Variants in TBC1D14 observed in about 807,000 individuals in gnomAD.
The protein encoded by TBC1D14 is TBC1 domain family member 14.
Under a neutral mutation model 79.0 loss-of-function variants are expected in TBC1D14, and 26 were observed. The observed-to-expected ratio is 0.33, with a 90% CI of 0.24 to 0.46. The LOEUF is 0.46. TBC1D14 is among the 20% of genes least tolerant of loss of function. TBC1D14 has a pLI of 1.00. For missense variants in TBC1D14, 769 were observed against 887.6 expected, an observed-to-expected ratio of 0.87 and a Z score of 1.70; for synonymous variants, 394 against 349.9, an observed-to-expected ratio of 1.13 and a Z score of -1.40.
chr4:6,923,507 C>T lies in TBC1D14; in HGVS notation c.118C>T (p.Leu40Phe). The change falls in exon 2 of 14, where the codon CTC (leucine) becomes TTC (phenylalanine). Residue 40 changes from leucine (L) to phenylalanine (F), a missense_variant. Coordinates refer to ENST00000409757, the MANE Select transcript of TBC1D14 (RefSeq NM_020773.3). Reference protein sequence around the residue: ...LQHVNLKAPRLLSAPEYGPKL... With the variant: ...LQHVNLKAPRFLSAPEYGPKL... ...ACACGTCAATCTCAAGGCGCCCCGACTCCTCTCCGCGCCTGAGTACGGGCC... is the reference window on the plus strand; with the variant it reads ...ACACGTCAATCTCAAGGCGCCCCGATTCCTCTCCGCGCCTGAGTACGGGCC... 2 of 1,614,206 alleles carry T rather than the reference C, an allele frequency of 1.2e-6. No homozygotes were observed.
chr4:6,924,198 T>C (rs1216167650), intron 2 of TBC1D14, 87 bp downstream of exon 2: 8 of 1,476,488 alleles, frequency 5.4e-6, no homozygotes, highest in Non-Finnish European at 7.2e-6. Context: ...TTGTGTGTTC[T>C]CTGTGGTGTT....
At chr4:6,947,227 G>A (rs1038365003) in intron 2 of TBC1D14, among the ~76,000 whole-genome samples, 14 of 152,132 alleles carry the variant, frequency 9.2e-5, no homozygotes, top group Non-Finnish European at 1.9e-4. Context: ...GGCAGGCGCG[G>A]TGGCTCAAGC....
chr4:6,930,783 G>A (rs1711647445), intron 2 of TBC1D14, among the ~76,000 whole-genome samples: 2 of 132,998 alleles, frequency 1.5e-5, no homozygotes, highest in Non-Finnish European at 3.3e-5. Flanking sequence ...GGGCAACAGA[G>A]TGAGACTCCA....
At chr4:6,919,616 C>G (rs1723674227) in intron 1 of TBC1D14, among the ~76,000 whole-genome samples, 1 of 151,768 alleles carries the variant, frequency 6.6e-6, no homozygotes, top group Admixed American at 6.6e-5. Flanking sequence ...TTTTATATTT[C>G]TTTATATTTA....
rs535998811 is a variant in TBC1D14 at position 7,012,554 on chromosome 4, T to C, written c.1647+1773T>C. On this transcript the variant is annotated intron_variant, in intron 11 of 13. Transcript: ENST00000409757. The stretch of plus-strand genomic sequence containing the variant: ...AATAGCTGAAATGAGGTTAGGAGAA[T>C]GCAGAATGGTAAATTAAAATTTGGT... 1.7e-4 allele frequency among the ~76,000 whole-genome samples: 26 copies of C among 152,328 alleles called. No individual in the cohort carries two copies. In the South Asian group the frequency reaches 5.4e-3, roughly 32 times the overall value.
intron 4 of TBC1D14, among the ~76,000 whole-genome samples, chr4:6,994,709 CA>C (rs1041290399): frequency 6.6e-6 from 1 of 151,644 alleles, no homozygotes; most frequent in Non-Finnish European, 1.5e-5. Flanking sequence ...ACTAAAAATA[CA>C]AAAAAATAGG....
At chr4:6,939,210 C>T (rs1190189819) in intron 2 of TBC1D14, among the ~76,000 whole-genome samples, 2 of 152,176 alleles carry the variant, frequency 1.3e-5, no homozygotes, top group African/African-American at 4.8e-5. Flanking sequence ...GCAGGAAGAA[C>T]CTTCTGGAAT....
chr4:7,007,219 C>G (rs750760271), intron 9 of TBC1D14, among the ~76,000 whole-genome samples: 2 of 152,100 alleles, frequency 1.3e-5, no homozygotes, highest in Non-Finnish European at 2.9e-5. Context: ...GCAGGTAGAC[C>G]AGGAGAGCAG....
At chr4:6,955,457 C>A (rs1714539619) in intron 2 of TBC1D14, among the ~76,000 whole-genome samples, 1 of 152,142 alleles carries the variant, frequency 6.6e-6, no homozygotes, top group African/African-American at 2.4e-5. Flanking sequence ...GTGCCTGGTG[C>A]AGCACTAGGC....
chr4:6,945,216 G>T (rs1713312866), intron 2 of TBC1D14, among the ~76,000 whole-genome samples: 1 of 152,126 alleles, frequency 6.6e-6, no homozygotes, highest in South Asian at 2.1e-4. Flanking sequence ...TGGGGTGTAG[G>T]GGCGGGCCAC....
Position 7,014,376 on chromosome 4 carries a change from A to G in TBC1D14, c.1648-72A>G, listed in dbSNP as rs991067418. ...TAATTGTTAGAGTCTAAAGATATACATATATTGACTTTTTTGTAAATTGAA... is the reference window on the plus strand; with the variant it reads ...TAATTGTTAGAGTCTAAAGATATACGTATATTGACTTTTTTGTAAATTGAA... On this transcript the variant is annotated intron_variant, in intron 11 of 13. Transcript: ENST00000409757. 4 of 935,520 alleles carry G rather than the reference A, an allele frequency of 4.3e-6. No homozygotes were observed. The African/African-American group carries it at 4.9e-5, about 11-fold the overall frequency. The allele number at this position is 935,520 out of a possible 1,614,324, so 58.0% of individuals were successfully genotyped here.
At chr4:6,940,311 A>G (rs936627983) in intron 2 of TBC1D14, among the ~76,000 whole-genome samples, 9 of 152,228 alleles carry the variant, frequency 5.9e-5, no homozygotes, top group Admixed American at 4.6e-4. Flanking sequence ...TCTGTGGGAC[A>G]ATCTGTGACT....
At chr4:6,983,594 C>A (rs534581297) in intron 3 of TBC1D14, among the ~76,000 whole-genome samples, 59 of 152,224 alleles carry the variant, frequency 3.9e-4, no homozygotes, top group Non-Finnish European at 7.3e-4. Context: ...AGGAGATTAT[C>A]CCATAAAATG....
chr4:6,999,236 G>C (rs751894571), intron 6 of TBC1D14, 34 bp downstream of exon 6: 10 of 1,568,680 alleles, frequency 6.4e-6, no homozygotes, highest in Non-Finnish European at 8.8e-6. Context: ...CTGAACTGCA[G>C]AGCATGTCTT....
At chr4:7,004,736 C>T in intron 7 of TBC1D14, 108 bp from the exon 8 acceptor site, 3 of 965,018 alleles carry the variant, frequency 3.1e-6, no homozygotes, top group South Asian at 2.8e-5. Context: ...TGCATTAAGC[C>T]TATTATAGTT....
chr4:6,921,615 T>G (rs1723867315), intron 1 of TBC1D14, among the ~76,000 whole-genome samples: 1 of 151,702 alleles, frequency 6.6e-6, no homozygotes, highest in African/African-American at 2.4e-5. Context: ...AACCTCCACC[T>G]CCTGGGTTCA....
At chr4:7,014,385 C>CATA (rs1462176260) in intron 11 of TBC1D14, 63 bp from the exon 12 acceptor site, 1 of 1,134,854 alleles carries the variant, frequency 8.8e-7, no homozygotes, top group African/African-American at 1.5e-5. Context: ...CATATATTGA[C>CATA]TTTTTTGTAA....
At chr4:6,928,938 TTTAC>T (rs1162902744) in intron 2 of TBC1D14, among the ~76,000 whole-genome samples, 1 of 152,200 alleles carries the variant, frequency 6.6e-6, no homozygotes, top group Non-Finnish European at 1.5e-5. Context: ...CTGACTGTAA[TTTAC>T]TCCTGCTTTG....
At chr4:6,958,813 C>A (rs923159013) in intron 2 of TBC1D14, among the ~76,000 whole-genome samples, 1 of 152,118 alleles carries the variant, frequency 6.6e-6, no homozygotes, top group Admixed American at 6.5e-5. Flanking sequence ...AAGCCGGACA[C>A]TCCTCTTGGT....
Sources: gnomAD v4.1 joint callset for allele counts (sites outside exome capture counted in the v4.1 genomes callset) on GRCh38, gnomAD v4.1.1 for gene constraint, MANE v1.5 for transcripts, NCBI Gene and HGNC (gene_info 2026-07-23, HGNC 2026-07-21) for gene names.